ITGA4: variants seen among roughly 807,000 people sequenced by gnomAD.
ITGA4 encodes integrin alpha-4.
ITGA4 carries 63 observed loss-of-function variants against 133.6 expected under a neutral mutation model. The observed-to-expected ratio is 0.47, with a 90% CI of 0.38 to 0.58. The LOEUF is 0.58. ITGA4 is among the 20% of genes least tolerant of loss of function. ITGA4 has a pLI of 0.00. For missense variants in ITGA4, 1,076 were observed against 1,252.7 expected, an observed-to-expected ratio of 0.86 and a Z score of 2.13; for synonymous variants, 483 against 438.0, an observed-to-expected ratio of 1.10 and a Z score of -1.28.
In ITGA4 at chr2:181,474,954, C is replaced by CT. The variant is rs767660982; in HGVS notation, c.320-5dup. The CT allele has an allele frequency of 2.5e-6, 4 of 1,601,898 alleles. No homozygotes were observed. The South Asian group carries it at 4.4e-5, about 18-fold the overall frequency. On this transcript the variant is annotated splice_polypyrimidine_tract_variant and splice_region_variant and intron_variant, in intron 2 of 27. Coordinates refer to ENST00000397033, the MANE Select transcript of ITGA4 (RefSeq NM_000885.6). ...CAACTGATAAAATTATTTTCACATGCTATAGGTAGCCCTAATGGAGAACCT... is the reference window on the plus strand; with the variant it reads ...CAACTGATAAAATTATTTTCACATGCTTATAGGTAGCCCTAATGGAGAACCT...
chr2:181,475,440 C>T, intron 4 of ITGA4, 152 bp downstream of exon 4: 3 of 658,032 alleles, frequency 4.6e-6, no homozygotes, highest in South Asian at 4.2e-5. Flanking sequence ...TTTCTTTACC[C>T]AATTGCAATA....
intron 16 of ITGA4, 118 bp downstream of exon 16, chr2:181,509,925 A>G (rs1435596302): frequency 1.5e-6 from 1 of 688,810 alleles, no homozygotes; most frequent in African/African-American, 1.8e-5. Flanking sequence ...CGAATTTTTA[A>G]AAACAAAAAT....
intron 15 of ITGA4, among the ~76,000 whole-genome samples, chr2:181,501,472 G>A (rs758397629): frequency 2.0e-5 from 3 of 152,114 alleles, no homozygotes; most frequent in African/African-American, 2.4e-5. Context: ...TCTAACATAC[G>A]TATACAAAGG....
rs375190328 is a variant in ITGA4 at position 181,533,118 on chromosome 2, A to G, written c.2785-1154A>G. Reference sequence around the variant, plus strand: ...TTCCTACAAAGGAGCATGTATATTTATGAGGAGTAGTTTGAGATGAAACTA... The same window carrying G: ...TTCCTACAAAGGAGCATGTATATTTGTGAGGAGTAGTTTGAGATGAAACTA... On this transcript the variant is annotated intron_variant, in intron 25 of 27. Transcript: ENST00000397033. Among the ~76,000 whole-genome samples, 4 of 152,204 alleles carry G rather than the reference A, an allele frequency of 2.6e-5. No homozygotes were observed. The East Asian group carries it at 7.7e-4, about 29-fold the overall frequency.
rs369715005 is a variant in ITGA4, at chr2:181,488,780, T to G, written c.1153+2788T>G. 9.3e-4 allele frequency among the ~76,000 whole-genome samples: 142 copies of G among 152,140 alleles called. 1 individual carries two copies. The highest frequency in any genetic ancestry group is 8.3e-3 in the South Asian group (40 of 4,822). ...TCACTGTGTTAACCAGGATGGTCTC[T>G]ATCTCCTGACCTTGTGATCTGCCCG... On this transcript the variant is annotated intron_variant, in intron 10 of 27. Coordinates refer to ENST00000397033, the MANE Select transcript of ITGA4 (RefSeq NM_000885.6).
At chr2:181,504,708 C>A (rs535759544) in intron 15 of ITGA4, among the ~76,000 whole-genome samples, 2 of 152,044 alleles carry the variant, frequency 1.3e-5, no homozygotes, top group East Asian at 3.9e-4. Flanking sequence ...TTAGAGCTAG[C>A]ACAATCCATT....
chr2:181,486,285 A>G, intron 10 of ITGA4: 1 of 268,122 alleles, frequency 3.7e-6, no homozygotes, highest in Non-Finnish European at 7.0e-6. Context: ...CTACCTATTA[A>G]GCTGTTACAC....
chr2:181,475,683 G>A, intron 4 of ITGA4: 8 of 1,132,916 alleles, frequency 7.1e-6, no homozygotes, highest in Non-Finnish European at 9.5e-6. Context: ...GGAGTAATTG[G>A]GAAGAATAAT....
chr2:181,501,175 T>C (rs764058526), intron 15 of ITGA4, among the ~76,000 whole-genome samples: 1 of 152,132 alleles, frequency 6.6e-6, no homozygotes, highest in Non-Finnish European at 1.5e-5. Context: ...AATCCCTGAT[T>C]TAGTAGGTCT....
At chr2:181,501,602 T>C (rs1574399674) in intron 15 of ITGA4, among the ~76,000 whole-genome samples, 1 of 152,110 alleles carries the variant, frequency 6.6e-6, no homozygotes, top group East Asian at 1.9e-4. Context: ...GCAGTGGATA[T>C]GGTAAGAAGT....
rs200276996 is a variant in ITGA4, at chr2:181,481,650, C to T, written c.807C>T (p.Val269=). Reference sequence around the variant, plus strand: ...GGAGCCAGCATACTACCGAAGTAGTCGGAGGAGCTCCTCAACATGAGCAGA... The same window carrying T: ...GGAGCCAGCATACTACCGAAGTAGTTGGAGGAGCTCCTCAACATGAGCAGA... ...HFRSQHTTEV[V]GGAPQHEQIG... The change falls in exon 7 of 28, where the codon GTC becomes GTT. Residue 269 remains valine (V), a synonymous_variant. Transcript: ENST00000397033. The T allele has an allele frequency of 1.2e-5, 19 of 1,596,682 alleles. 1 individual carries two copies. Among genetic ancestry groups the T allele is most frequent in the Middle Eastern group, 3.3e-4 (2 of 6,006 alleles).
Position 181,535,910 on chromosome 2 carries a change from C to T in ITGA4, c.*383C>T, listed in dbSNP as rs1014392968. 5.9e-5 allele frequency: 9 copies of T among 153,624 alleles called. No homozygotes were observed. In the Admixed American group the frequency reaches 5.9e-4, roughly 10 times the overall value. The allele number at this position is 153,624 out of a possible 1,614,324, so 9.5% of individuals were successfully genotyped here. A position where few individuals can be genotyped will look rare whatever the true frequency, so the allele number is the denominator to read the frequency against. On this transcript the variant is annotated 3_prime_UTR_variant, in exon 28 of 28. Transcript: ENST00000397033. ...TGTGCTTGCCTCAGTAAAATGAACC[C>T]CACTGGGTGGGCAGAGGTTCATTTC...
chr2:181,470,562 G>A (rs1004659430), intron 2 of ITGA4, among the ~76,000 whole-genome samples: 1 of 152,128 alleles, frequency 6.6e-6, no homozygotes, highest in African/African-American at 2.4e-5. Context: ...CCCTTCAGTT[G>A]ATTCTAACGT....
chr2:181,537,170 G>GAACATCTAGGATCATAGATGA lies in ITGA4; in HGVS notation c.*1646_*1666dup, dbSNP rs1687168745. ...AAAAAGGCTAGTCATTCTTTCAGGA[G>GAACATCTAGGATCATAGATGA]AACATCTAGGATCATAGATGAAAAA... On this transcript the variant is annotated 3_prime_UTR_variant, in exon 28 of 28. Coordinates refer to ENST00000397033, the MANE Select transcript of ITGA4 (RefSeq NM_000885.6). The GAACATCTAGGATCATAGATGA allele has an allele frequency of 2.2e-6, 1 of 453,858 alleles. No homozygotes were observed. Among genetic ancestry groups the GAACATCTAGGATCATAGATGA allele is most frequent in the Admixed American group, 2.4e-5 (1 of 42,540 alleles). 28.1% of individuals were successfully genotyped at this position (453,858 alleles called of 1,614,324 possible).
At chr2:181,527,563 C>T (rs1574413271) in intron 22 of ITGA4, 176 bp downstream of exon 22, 1 of 527,096 alleles carries the variant, frequency 1.9e-6, no homozygotes, top group East Asian at 3.3e-5. Context: ...GCTTTCCTTC[C>T]ACTTGTCTTG....
At chr2:181,504,991 C>T (rs1686364909) in intron 15 of ITGA4, among the ~76,000 whole-genome samples, 2 of 151,690 alleles carry the variant, frequency 1.3e-5, no homozygotes, top group African/African-American at 4.8e-5. Context: ...TCAGCTTTTC[C>T]TTCCCGAGCC....
In ITGA4 at chr2:181,527,274, A is replaced by T. The variant is rs1360672783; in HGVS notation, c.2340-23A>T. 2.2e-6 allele frequency: 3 copies of T among 1,385,930 alleles called. No homozygotes were observed. In the South Asian group the frequency reaches 3.5e-5, roughly 16 times the overall value. 85.9% of individuals were successfully genotyped at this position (1,385,930 alleles called of 1,614,324 possible). On this transcript the variant is annotated intron_variant, in intron 21 of 27. Coordinates refer to ENST00000397033, the MANE Select transcript of ITGA4 (RefSeq NM_000885.6). ...ACGTCATCGAATAAGACAGTTAATT[A>T]AATTTGAATTTGTTTTTACCAGGTT...
intron 2 of ITGA4, among the ~76,000 whole-genome samples, chr2:181,466,854 A>G (rs1221671254): frequency 6.6e-6 from 1 of 152,150 alleles, no homozygotes; most frequent in Non-Finnish European, 1.5e-5. Flanking sequence ...TCAAAGCACC[A>G]TAATGCACGT....
chr2:181,527,157 T>C (rs1393805897), intron 21 of ITGA4, 140 bp from the exon 22 acceptor site: 4 of 514,238 alleles, frequency 7.8e-6, no homozygotes, highest in Non-Finnish European at 6.9e-6. Context: ...TCTTTTTAAA[T>C]AAAATGTATA....
Sources: gnomAD v4.1 joint callset for allele counts (sites outside exome capture counted in the v4.1 genomes callset) on GRCh38, gnomAD v4.1.1 for gene constraint, MANE v1.5 for transcripts, NCBI Gene and HGNC (gene_info 2026-07-23, HGNC 2026-07-21) for gene names.